Variants in NTRK3 observed in about 807,000 individuals in gnomAD.
The protein encoded by NTRK3 is NT-3 growth factor receptor.
NTRK3 carries 24 observed loss-of-function variants against 91.7 expected under a neutral mutation model. That is an observed-to-expected ratio of 0.26 (90% CI 0.19 to 0.37). The LOEUF (loss-of-function observed/expected upper bound fraction) is 0.37, where lower values mean the gene tolerates loss of function less well. NTRK3 is among the 10% of genes least tolerant of loss of function. NTRK3 has a pLI of 1.00. For synonymous variants in NTRK3, 483 were observed against 404.0 expected, an observed-to-expected ratio of 1.20 and a Z score of -2.34; for missense variants, 880 against 1,068.9, an observed-to-expected ratio of 0.82 and a Z score of 2.46.
At chr15:88,145,077 C>G (rs147282644) in intron 6 of NTRK3, among the ~76,000 whole-genome samples, 1 of 152,158 alleles carries the variant, frequency 6.6e-6, no homozygotes, top group African/African-American at 2.4e-5. Context: ...CCCATCCCCA[C>G]GCCCCAGCCC....
At chr15:88,160,202 G>C (rs932889240) in intron 5 of NTRK3, among the ~76,000 whole-genome samples, 8 of 152,190 alleles carry the variant, frequency 5.3e-5, no homozygotes, top group African/African-American at 1.9e-4. Flanking sequence ...GGGCGCCCCA[G>C]CCATGGTCAA....
chr15:87,947,942 G>C (rs563559180), intron 14 of NTRK3, among the ~76,000 whole-genome samples: 15 of 152,210 alleles, frequency 9.9e-5, no homozygotes, highest in East Asian at 7.7e-4. Context: ...GAACCTTTGA[G>C]GGGGAAGGAG....
intron 14 of NTRK3, among the ~76,000 whole-genome samples, chr15:87,950,464 C>G (rs918206080): frequency 1.3e-5 from 2 of 151,992 alleles, no homozygotes; most frequent in East Asian, 3.9e-4. Flanking sequence ...ACAACAGACA[C>G]GAAGAAAAGA....
chr15:87,926,902 C>G (rs1465100783), intron 17 of NTRK3: 2 of 152,206 alleles, frequency 1.3e-5, no homozygotes, highest in Non-Finnish European at 1.5e-5. Context: ...TGAGCACAGT[C>G]AGACAGACCA....
At chr15:87,876,282 T>G (rs2064946400) in exon 19 of NTRK3, 1 of 231,728 alleles carries the variant, frequency 4.3e-6, no homozygotes, top group Admixed American at 5.6e-5. Context: ...AGCATCAAGA[T>G]TACACTTTTT....
intron 5 of NTRK3, among the ~76,000 whole-genome samples, chr15:88,161,545 T>C (rs1020994704): frequency 7.2e-5 from 11 of 152,154 alleles, no homozygotes; most frequent in African/African-American, 2.4e-4. Context: ...GAGAGGGGAA[T>C]TGGAGTCCAA....
intron 17 of NTRK3, among the ~76,000 whole-genome samples, chr15:87,883,059 T>C (rs867656660): frequency 6.6e-6 from 1 of 151,546 alleles, no homozygotes; most frequent in African/African-American, 2.4e-5. Context: ...AAAATACAAC[T>C]ATACATAAAA....
intron 13 of NTRK3, among the ~76,000 whole-genome samples, chr15:88,035,616 C>T (rs191687633): frequency 1.2e-3 from 189 of 152,286 alleles, no homozygotes; most frequent in Middle Eastern, 3.4e-3. Flanking sequence ...AAGGCAGAAT[C>T]GCACTAGCTT....
chr15:87,929,506 C>T (rs2141918647), intron 16 of NTRK3, 72 bp from the exon 17 acceptor site: 2 of 1,571,842 alleles, frequency 1.3e-6, no homozygotes, highest in Non-Finnish European at 1.7e-6. Context: ...CTTCCTGGGT[C>T]CCTGCCCTCT....
intron 14 of NTRK3, among the ~76,000 whole-genome samples, chr15:88,027,078 C>T (rs1011025307): frequency 1.3e-5 from 2 of 152,102 alleles, no homozygotes; most frequent in East Asian, 1.9e-4. Context: ...CCCTTACCTC[C>T]AGCCTTGCTG....
At chr15:88,110,371 G>T (rs182054377) in intron 13 of NTRK3, among the ~76,000 whole-genome samples, 1 of 152,170 alleles carries the variant, frequency 6.6e-6, no homozygotes, top group African/African-American at 2.4e-5. Context: ...CTGTTGGATG[G>T]AGGAGAACAT....
Position 88,135,767 on chromosome 15 carries a change from G to C in NTRK3, c.907+132C>G, listed in dbSNP as rs1397381768. The C allele has an allele frequency of 8.2e-6, 10 of 1,226,454 alleles. No individual in the cohort carries two copies. In the East Asian group the frequency reaches 2.0e-4, roughly 25 times the overall value. 76.0% of individuals were successfully genotyped at this position (1,226,454 alleles called of 1,614,324 possible). On this transcript the variant is annotated intron_variant, in intron 9 of 18. Coordinates refer to ENST00000394480, the Ensembl canonical transcript of NTRK3. ...CTTACTTCTCAGTCCTGCCCTACAAGAGTCCTTCTGTCCCTACTGGTAGAT... is the reference window on the plus strand; with the variant it reads ...CTTACTTCTCAGTCCTGCCCTACAACAGTCCTTCTGTCCCTACTGGTAGAT...
intron 14 of NTRK3, among the ~76,000 whole-genome samples, chr15:87,983,117 T>C (rs1433724737): frequency 2.6e-5 from 4 of 152,242 alleles, no homozygotes. Flanking sequence ...TTTTCAAACA[T>C]CCCCTCTTCA....
chr15:88,059,263 T>C (rs895668358), intron 13 of NTRK3, among the ~76,000 whole-genome samples: 1 of 152,164 alleles, frequency 6.6e-6, no homozygotes, highest in African/African-American at 2.4e-5. Context: ...GATTCTGCAG[T>C]CCCTTCGGTG....
At chr15:87,994,700 A>G (rs931968870) in intron 14 of NTRK3, among the ~76,000 whole-genome samples, 1 of 152,242 alleles carries the variant, frequency 6.6e-6, no homozygotes, top group African/African-American at 2.4e-5. Context: ...CCTGAGAAGG[A>G]AAGTACATAA....
chr15:88,092,903 A>AC (rs2049160527), intron 13 of NTRK3, among the ~76,000 whole-genome samples: 1 of 152,120 alleles, frequency 6.6e-6, no homozygotes, highest in African/African-American at 2.4e-5. Context: ...TGCCTTCAGG[A>AC]CCTACCTGGA....
chr15:87,947,922 G>A (rs1427052433), intron 14 of NTRK3, among the ~76,000 whole-genome samples: 1 of 152,072 alleles, frequency 6.6e-6, no homozygotes, highest in Non-Finnish European at 1.5e-5. Context: ...GGAGAAAGAG[G>A]GCCAGCTTTG....
intron 13 of NTRK3, among the ~76,000 whole-genome samples, chr15:88,124,924 G>A (rs941243599): frequency 7.9e-5 from 12 of 152,232 alleles, no homozygotes; most frequent in African/African-American, 2.9e-4. Flanking sequence ...TTCATCAAGA[G>A]CAGAGAGTGC....
At chr15:88,098,718 G>A (rs1374007359) in intron 13 of NTRK3, 1 of 232,472 alleles carries the variant, frequency 4.3e-6, no homozygotes, top group African/African-American at 2.2e-5. Flanking sequence ...GCAGGGGCCA[G>A]AAGACTAGAG....
Sources: allele counts gnomAD v4.1 joint callset (sites outside exome capture counted in the v4.1 genomes callset), GRCh38; gene constraint gnomAD v4.1.1; transcripts MANE v1.5; gene names NCBI Gene and HGNC (gene_info 2026-07-23, HGNC 2026-07-21).